PRKCE: variants seen among roughly 807,000 people sequenced by gnomAD.
PRKCE encodes protein kinase C epsilon.
Under a neutral mutation model 85.4 loss-of-function variants are expected in PRKCE, and 16 were observed. The ratio of observed to expected loss-of-function variants is 0.19; its 90% CI spans 0.13 to 0.28. The LOEUF (loss-of-function observed/expected upper bound fraction) is 0.28. Ranked by LOEUF, PRKCE falls within the 10% of genes least tolerant of loss-of-function variation. The pLI is 1.00. For missense variants in PRKCE, 573 were observed against 975.2 expected (o/e 0.59, Z 5.49); for synonymous variants, 388 against 371.5 (o/e 1.04, Z -0.51).
chr2:45,717,765 G>A (rs1005296402), intron 1 of PRKCE, among the ~76,000 whole-genome samples: 2 of 152,200 alleles, frequency 1.3e-5, no homozygotes, highest in African/African-American at 2.4e-5. Context: ...TCCACAAACC[G>A]GTCATTAATC....
At chr2:45,666,746 C>CAG in intron 1 of PRKCE, among the ~76,000 whole-genome samples, 2 of 152,228 alleles carry the variant, frequency 1.3e-5, no homozygotes, top group Middle Eastern at 6.8e-3. Context: ...TTAGCAGACA[C>CAG]AGAAGAGGTC....
chr2:46,000,185 A>G (rs1375878710), intron 6 of PRKCE, among the ~76,000 whole-genome samples: 1 of 150,440 alleles, frequency 6.6e-6, no homozygotes, highest in Non-Finnish European at 1.5e-5. Context: ...GATGCCTTAC[A>G]GTTTTTTCTT....
intron 14 of PRKCE, among the ~76,000 whole-genome samples, chr2:46,161,487 C>T (rs886411895): frequency 1.3e-5 from 2 of 152,132 alleles, no homozygotes; most frequent in East Asian, 1.9e-4. Flanking sequence ...CTCGAGTCTC[C>T]AGGTCTCAGC....
chr2:46,169,486 G>A (rs1678677584), intron 14 of PRKCE, among the ~76,000 whole-genome samples: 1 of 152,168 alleles, frequency 6.6e-6, no homozygotes, highest in Non-Finnish European at 1.5e-5. Context: ...GGAGCACAGA[G>A]CTTGGAGATC....
At chr2:45,733,975 G>A (rs1681816349) in intron 1 of PRKCE, among the ~76,000 whole-genome samples, 1 of 152,198 alleles carries the variant, frequency 6.6e-6, no homozygotes. Context: ...GGAAGGCAGG[G>A]GCCATCTCAC....
chr2:46,060,711 T>A (rs1020463735), intron 10 of PRKCE, among the ~76,000 whole-genome samples: 2 of 151,946 alleles, frequency 1.3e-5, no homozygotes, highest in Non-Finnish European at 2.9e-5. Context: ...TGTCTAGTTC[T>A]GTCAATCTTA....
At chr2:45,959,442 G>C (rs1370626990) in intron 2 of PRKCE, among the ~76,000 whole-genome samples, 1 of 152,178 alleles carries the variant, frequency 6.6e-6, no homozygotes, top group Non-Finnish European at 1.5e-5. Flanking sequence ...TCCATAATAA[G>C]TTTGATCTGG....
At chr2:45,668,261 A>AACCC (rs1353131482) in intron 1 of PRKCE, among the ~76,000 whole-genome samples, 1 of 152,170 alleles carries the variant, frequency 6.6e-6, no homozygotes, top group East Asian at 1.9e-4. Flanking sequence ...GAATCGCTTG[A>AACCC]ACCTGGGAGG....
intron 2 of PRKCE, among the ~76,000 whole-genome samples, chr2:45,898,678 G>T (rs1696335983): frequency 1.3e-5 from 2 of 152,254 alleles, no homozygotes; most frequent in African/African-American, 4.8e-5. Flanking sequence ...TGGGAAGAGA[G>T]TACCAGTGTG....
At position 46,145,420 on chromosome 2, in the gene PRKCE, T is replaced by C. The variant is rs951431636; in HGVS notation, c.1731+189T>C. Among the ~76,000 whole-genome samples the C allele has an allele frequency of 2.6e-5, 4 of 152,134 alleles. No individual in the cohort carries two copies. Among genetic ancestry groups the C allele is most frequent in the African/African-American group, 7.2e-5 (3 of 41,408 alleles). On this transcript the variant is annotated intron_variant, in intron 12 of 14. Coordinates refer to ENST00000306156, the MANE Select transcript of PRKCE (RefSeq NM_005400.3). The surrounding 1 kb of genome is among the most constrained non-coding windows in gnomAD (Gnocchi z 4.6). ...TGATGTCTGTCAAGAAGTCCTAGTG[T>C]TGGGGAGATGATGAGTGAAATGAGA... is the stretch of plus-strand genomic sequence containing the variant.
chr2:46,001,351 C>T lies in PRKCE; in HGVS notation c.824-53C>T. Reference sequence around the variant, plus strand: ...ATAATACAATCTCAAAGAAAAGAAGCAACATCTTAGGCCATGAACACTTAT... The same window carrying T: ...ATAATACAATCTCAAAGAAAAGAAGTAACATCTTAGGCCATGAACACTTAT... On this transcript the variant is annotated intron_variant, in intron 6 of 14. Transcript: ENST00000306156. The surrounding 1 kb of genome is among the most constrained non-coding windows in gnomAD (Gnocchi z 4.4). The T allele has an allele frequency of 1.3e-6, 2 of 1,513,396 alleles. No homozygotes were observed. The highest frequency in any genetic ancestry group is 2.8e-5 in the African/African-American group (2 of 71,888). 93.7% of individuals were successfully genotyped at this position (1,513,396 alleles called of 1,614,324 possible).
At chr2:45,771,713 G>A (rs376671399) in intron 1 of PRKCE, among the ~76,000 whole-genome samples, 9,413 of 87,760 alleles carry the variant, frequency 0.11, 984 homozygotes, top group African/African-American at 0.27. Context: ...GTGTGTGTGT[G>A]TGTGTGTGTG....
intron 2 of PRKCE, among the ~76,000 whole-genome samples, chr2:45,922,820 G>A (rs116723434): frequency 1.3e-5 from 2 of 152,214 alleles, no homozygotes; most frequent in African/African-American, 4.8e-5. Context: ...GTGCTGGGAT[G>A]TGCTTAAACG....
chr2:45,821,994 G>C (rs1388862333), intron 1 of PRKCE, among the ~76,000 whole-genome samples: 1 of 152,186 alleles, frequency 6.6e-6, no homozygotes, highest in African/African-American at 2.4e-5. Context: ...TAGTGACTGA[G>C]GAGCTCTGAG....
At chr2:45,728,919 C>T (rs549654399) in intron 1 of PRKCE, among the ~76,000 whole-genome samples, 42 of 152,268 alleles carry the variant, frequency 2.8e-4, no homozygotes, top group African/African-American at 8.7e-4. Flanking sequence ...ACTCAGTATA[C>T]GGTGGCACTG....
chr2:46,092,350 T>C (rs1670247748), intron 11 of PRKCE, among the ~76,000 whole-genome samples: 1 of 152,212 alleles, frequency 6.6e-6, no homozygotes, highest in South Asian at 2.1e-4. Flanking sequence ...CCAAGCCTTT[T>C]GATCTCTAAT....
intron 2 of PRKCE, among the ~76,000 whole-genome samples, chr2:45,897,060 A>G (rs974666399): frequency 2.6e-5 from 4 of 152,234 alleles, no homozygotes; most frequent in Non-Finnish European, 5.9e-5. Flanking sequence ...CATGGGTGAC[A>G]GAACAAGATC....
At chr2:46,137,698 G>A (rs1364031645) in intron 11 of PRKCE, among the ~76,000 whole-genome samples, 2 of 151,534 alleles carry the variant, frequency 1.3e-5, no homozygotes, top group Admixed American at 6.6e-5. Context: ...GGGAGGCAGA[G>A]GGTGCACCGA....
chr2:46,063,293 C>G (rs1056765889), intron 10 of PRKCE, among the ~76,000 whole-genome samples: 3 of 151,012 alleles, frequency 2.0e-5, no homozygotes, highest in Non-Finnish European at 4.4e-5. Context: ...TTTGGAACTG[C>G]TTCAGTTTCC....
Sources: allele counts gnomAD v4.1 joint callset (sites outside exome capture counted in the v4.1 genomes callset), GRCh38; gene constraint gnomAD v4.1.1; non-coding constraint Gnocchi (gnomAD v3.1); transcripts MANE v1.5; gene names NCBI Gene and HGNC (gene_info 2026-07-23, HGNC 2026-07-21).